The following CLPB variants were observed in gnomAD, a reference collection of about 807,000 sequenced individuals.
The protein encoded by CLPB is mitochondrial disaggregase.
In CLPB, 40 loss-of-function variants were observed where a neutral mutation model predicts 78.4. That is an observed-to-expected ratio of 0.51 (90% CI 0.40 to 0.66). CLPB has a LOEUF of 0.66. Ranked by LOEUF, CLPB falls within the 30% of genes least tolerant of loss-of-function variation. The pLI is 0.00. For missense variants in CLPB, 780 were observed against 886.9 expected, an observed-to-expected ratio of 0.88 and a Z score of 1.53; for synonymous variants, 333 against 348.0, an observed-to-expected ratio of 0.96 and a Z score of 0.48.
At chr11:72,343,717 C>T (rs1315409047) in intron 5 of CLPB, among the ~76,000 whole-genome samples, 1 of 152,146 alleles carries the variant, frequency 6.6e-6, no homozygotes, top group East Asian at 1.9e-4. Flanking sequence ...AGATGCTTTT[C>T]CCTCATTAAT....
chr11:72,370,174 T>C (rs1269806989), intron 4 of CLPB, among the ~76,000 whole-genome samples: 1 of 152,244 alleles, frequency 6.6e-6, no homozygotes, highest in Non-Finnish European at 1.5e-5. Context: ...AAAATATTTA[T>C]ACACAAAATA....
At chr11:72,346,705 T>A (rs1295321114) in intron 5 of CLPB, among the ~76,000 whole-genome samples, 1 of 151,726 alleles carries the variant, frequency 6.6e-6, no homozygotes, top group Non-Finnish European at 1.5e-5. Context: ...CCACCGAGCG[T>A]GGTGGCTCAC....
chr11:72,367,626 G>A (rs182144300), intron 4 of CLPB, among the ~76,000 whole-genome samples: 14 of 152,206 alleles, frequency 9.2e-5, no homozygotes, highest in African/African-American at 3.1e-4. Flanking sequence ...AGGGATGAAG[G>A]GGGGCACGGG....
chr11:72,306,392 G>A (rs1324618097), intron 9 of CLPB, among the ~76,000 whole-genome samples: 1 of 152,210 alleles, frequency 6.6e-6, no homozygotes, highest in Non-Finnish European at 1.5e-5. Flanking sequence ...AAAGGCAAGA[G>A]CATCTGGGGT....
chr11:72,334,925 C>G (rs775908772), intron 5 of CLPB, among the ~76,000 whole-genome samples: 1 of 152,250 alleles, frequency 6.6e-6, no homozygotes, highest in East Asian at 1.9e-4. Context: ...CCTGGCAGCA[C>G]TGCTGCGGCT....
chr11:72,385,843 C>T (rs1374868386), intron 3 of CLPB, among the ~76,000 whole-genome samples: 1 of 152,074 alleles, frequency 6.6e-6, no homozygotes, highest in South Asian at 2.1e-4. Flanking sequence ...AATAAAAAAA[C>T]CCACATTGTT....
intron 2 of CLPB, among the ~76,000 whole-genome samples, chr11:72,423,657 T>C (rs1176135577): frequency 1.3e-5 from 2 of 152,250 alleles, no homozygotes; most frequent in African/African-American, 4.8e-5. Flanking sequence ...ATCTATATCA[T>C]GTCACAATGT....
intron 4 of CLPB, among the ~76,000 whole-genome samples, chr11:72,359,514 C>A (rs1163556451): frequency 1.3e-5 from 2 of 152,018 alleles, no homozygotes; most frequent in African/African-American, 4.8e-5. Flanking sequence ...GCTGTTTTAG[C>A]AGATTAATAT....
chr11:72,315,992 G>C, intron 7 of CLPB, among the ~76,000 whole-genome samples: 1 of 152,186 alleles, frequency 6.6e-6, no homozygotes, highest in Non-Finnish European at 1.5e-5. Flanking sequence ...GGGTTTAGAA[G>C]CCTCTGGGAG....
intron 3 of CLPB, among the ~76,000 whole-genome samples, chr11:72,402,220 C>T (rs750641473): frequency 1.8e-4 from 27 of 152,174 alleles, no homozygotes; most frequent in Non-Finnish European, 3.5e-4. Flanking sequence ...TAGATCGTAC[C>T]ACTGCACTCC....
chr11:72,359,152 T>G, intron 4 of CLPB, 144 bp from the exon 5 acceptor site: 2 of 1,282,776 alleles, frequency 1.6e-6, no homozygotes, highest in Non-Finnish European at 1.1e-6. Flanking sequence ...TTCCTGGCCA[T>G]CTGTGCTGGG....
chr11:72,389,929 A>G (rs1855195938), intron 3 of CLPB, among the ~76,000 whole-genome samples: 1 of 152,128 alleles, frequency 6.6e-6, no homozygotes, highest in Non-Finnish European at 1.5e-5. Context: ...TCTCTCAACC[A>G]GCTCAAGATT....
At position 72,407,417 on chromosome 11, in the gene CLPB, T is replaced by C. The variant is rs183906991; in HGVS notation, c.456-4365A>G. Among the ~76,000 whole-genome samples, 206 of 152,372 alleles carry C rather than the reference T, an allele frequency of 1.4e-3. 1 individual carries two copies. The East Asian group carries it at 0.029, about 22-fold the overall frequency. On this transcript the variant is annotated intron_variant, in intron 2 of 15. Coordinates refer to ENST00000538039, the MANE Select transcript of CLPB (RefSeq NM_001258392.3). ...TTTTATCTTGCATGTCTCTGATGAC[T>C]AACAATTTTGAGCTATTTGTTATAC...
chr11:72,358,884 A>G lies in CLPB; in HGVS notation c.771T>C (p.Asp257=), dbSNP rs143460015. ...CTCCTCCACCTCTGCTCTCACCTCC[A>G]TCAAGCAGCTCCTTGACAGTGCGGT... is the stretch of plus-strand genomic sequence containing the variant. The part of the protein sequence containing the change: ...DDYRTVKELL[D]GGANPLQRNE... Residue 257 remains aspartate (D), a synonymous_variant, in exon 5 of 16, where the codon GAT becomes GAC. Transcript: ENST00000538039. 11 of 1,415,222 alleles carry G rather than the reference A, an allele frequency of 7.8e-6. No individual in the cohort carries two copies. Among genetic ancestry groups the G allele is most frequent in the South Asian group, 2.3e-5 (2 of 87,908 alleles). The allele number at this position is 1,415,222 out of a possible 1,614,324, so 87.7% of individuals were successfully genotyped here.
intron 15 of CLPB, 79 bp from the exon 16 acceptor site, chr11:72,293,694 G>C: frequency 1.3e-6 from 2 of 1,501,796 alleles, no homozygotes; most frequent in Non-Finnish European, 1.8e-6. Flanking sequence ...TTACTGCTAG[G>C]GCAACTCAGA....
chr11:72,293,682 A>T, intron 15 of CLPB, 67 bp from the exon 16 acceptor site: 2 of 1,537,700 alleles, frequency 1.3e-6, no homozygotes, highest in Non-Finnish European at 1.8e-6. Flanking sequence ...GGCCTCCATC[A>T]CTTACTGCTA....
chr11:72,413,151 T>C (rs549287482), intron 2 of CLPB, among the ~76,000 whole-genome samples: 13 of 152,168 alleles, frequency 8.5e-5, no homozygotes, highest in African/African-American at 3.1e-4. Context: ...TAGCCGGGCA[T>C]GGTGGCACAT....
At chr11:72,394,578 G>A (rs915812549) in intron 3 of CLPB, among the ~76,000 whole-genome samples, 1 of 152,192 alleles carries the variant, frequency 6.6e-6, no homozygotes, top group Non-Finnish European at 1.5e-5. Context: ...CTGATTTCCA[G>A]GGAGCAGCGT....
intron 1 of CLPB, among the ~76,000 whole-genome samples, chr11:72,433,484 G>C (rs1370131294): frequency 1.3e-5 from 2 of 151,660 alleles, no homozygotes; most frequent in Non-Finnish European, 2.9e-5. Context: ...AGGTTGCAGT[G>C]GGCCGAGATT....
Sources: allele counts gnomAD v4.1 joint callset (sites outside exome capture counted in the v4.1 genomes callset), GRCh38; gene constraint gnomAD v4.1.1; transcripts MANE v1.5; gene names NCBI Gene and HGNC (gene_info 2026-07-23, HGNC 2026-07-21).